Variants in CALN1 observed in about 807,000 individuals in gnomAD.
CALN1 encodes the protein calcium-binding protein 8.
CALN1 carries 17 observed loss-of-function variants against 30.6 expected under a neutral mutation model. That is an observed-to-expected ratio of 0.56 (90% CI 0.38 to 0.83). CALN1 has a LOEUF of 0.83. Ranked by LOEUF, CALN1 falls within the 40% of genes least tolerant of loss-of-function variation. CALN1 has a pLI of 0.00. For missense variants in CALN1, 291 were observed against 354.9 expected, an observed-to-expected ratio of 0.82 and a Z score of 1.45; for synonymous variants, 156 against 131.4, an observed-to-expected ratio of 1.19 and a Z score of -1.28.
chr7:72,365,314 CAG>C (rs1803815568), intron 2 of CALN1, among the ~76,000 whole-genome samples: 2 of 151,996 alleles, frequency 1.3e-5, no homozygotes. Flanking sequence ...GCCTGGGTGA[CAG>C]AGCAAGACCT....
rs535118917 is a variant in CALN1, at chr7:71,929,824, T to A, written c.501+93833A>T. ...GAGGGATGCCAGACTGTCTTCCCAATTGGCTGCACAATTTGCATTCACAGC... is the reference window on the plus strand; with the variant it reads ...GAGGGATGCCAGACTGTCTTCCCAAATGGCTGCACAATTTGCATTCACAGC... On this transcript the variant is annotated intron_variant, in intron 5 of 6. Transcript: ENST00000395275. Among the ~76,000 whole-genome samples the A allele has an allele frequency of 2.7e-4, 41 of 152,304 alleles. 2 individuals are homozygous for A. The South Asian group carries it at 8.1e-3, about 30-fold the overall frequency.
At chr7:72,224,697 C>G (rs1307697520) in intron 3 of CALN1, among the ~76,000 whole-genome samples, 1 of 151,986 alleles carries the variant, frequency 6.6e-6, no homozygotes, top group Non-Finnish European at 1.5e-5. Flanking sequence ...ACGAGAATCG[C>G]TTGAACCCCG....
the CALN1 span, among the ~76,000 whole-genome samples, chr7:72,499,808 TC>T: frequency 3.4e-5 from 2 of 58,524 alleles, no homozygotes; most frequent in Non-Finnish European, 6.1e-5. Flanking sequence ...CTTCCTTCCT[TC>T]CTTCCTTCCT....
intron 2 of CALN1, among the ~76,000 whole-genome samples, chr7:72,372,322 TTC>T (rs2129560376): frequency 6.6e-6 from 1 of 152,168 alleles, no homozygotes; most frequent in South Asian, 2.1e-4. Context: ...TGGGAAAAAC[TTC>T]TGTTGCTTTT....
intron 3 of CALN1, among the ~76,000 whole-genome samples, chr7:72,169,192 ACT>A (rs1788759414): frequency 6.6e-6 from 1 of 151,820 alleles, no homozygotes; most frequent in Admixed American, 6.6e-5. Context: ...AAGGACCAGA[ACT>A]CTCACTGCAC....
intron 5 of CALN1, among the ~76,000 whole-genome samples, chr7:71,941,275 C>T (rs1176941017): frequency 7.8e-6 from 1 of 127,524 alleles, no homozygotes; most frequent in Non-Finnish European, 1.7e-5. Context: ...TGCTTGAACC[C>T]GGGAGGCGGA....
At chr7:72,257,962 G>C (rs534992550) in intron 3 of CALN1, among the ~76,000 whole-genome samples, 31 of 147,418 alleles carry the variant, frequency 2.1e-4, no homozygotes, top group African/African-American at 7.5e-4. Flanking sequence ...GGGGACTCGA[G>C]GGGGAAGAGT....
intron 2 of CALN1, among the ~76,000 whole-genome samples, chr7:72,314,831 A>G (rs1463163456): frequency 5.4e-5 from 7 of 130,316 alleles, no homozygotes; most frequent in African/African-American, 2.2e-4. Flanking sequence ...ATAATAAAAC[A>G]TTTTGTTAAA....
chr7:72,367,850 T>C (rs553011505), intron 2 of CALN1, among the ~76,000 whole-genome samples: 1 of 151,816 alleles, frequency 6.6e-6, no homozygotes, highest in East Asian at 2.0e-4. Flanking sequence ...AATATATATA[T>C]AGGCCGGGTC....
intron 1 of CALN1, among the ~76,000 whole-genome samples, chr7:72,409,989 A>C (rs1400687502): frequency 1.3e-5 from 2 of 152,354 alleles, no homozygotes; most frequent in South Asian, 2.1e-4. Flanking sequence ...AAGATGCACC[A>C]CATTTAACCC....
chr7:72,318,228 C>T (rs544911589), intron 2 of CALN1, among the ~76,000 whole-genome samples: 1 of 152,296 alleles, frequency 6.6e-6, no homozygotes, highest in South Asian at 2.1e-4. Flanking sequence ...CATTAAGAAA[C>T]ACCTTGATTT....
At chr7:71,867,624 G>A (rs1317480071) in intron 5 of CALN1, among the ~76,000 whole-genome samples, 3 of 152,056 alleles carry the variant, frequency 2.0e-5, no homozygotes, top group East Asian at 3.9e-4. Flanking sequence ...TAGTAGAGAC[G>A]AGGTTTCACC....
intron 2 of CALN1, among the ~76,000 whole-genome samples, chr7:72,371,155 A>AAC (rs1804220578): frequency 6.6e-6 from 1 of 151,526 alleles, no homozygotes; most frequent in Non-Finnish European, 1.5e-5. Context: ...AAATTTGCCT[A>AAC]ACCTAGGGTT....
At chr7:71,891,859 G>A (rs1027355759) in intron 5 of CALN1, among the ~76,000 whole-genome samples, 3 of 152,094 alleles carry the variant, frequency 2.0e-5, no homozygotes, top group African/African-American at 4.8e-5. Context: ...CAGAAGAATC[G>A]CTTGAACCTG....
intron 4 of CALN1, among the ~76,000 whole-genome samples, chr7:72,097,814 A>G (rs771086964): frequency 6.6e-6 from 1 of 152,094 alleles, no homozygotes; most frequent in Non-Finnish European, 1.5e-5. Flanking sequence ...CCCAGGTTCA[A>G]GCAATTCTCC....
chr7:72,097,078 A>G (rs1806287162), intron 4 of CALN1, among the ~76,000 whole-genome samples: 1 of 151,846 alleles, frequency 6.6e-6, no homozygotes, highest in Non-Finnish European at 1.5e-5. Flanking sequence ...CAAACACCGT[A>G]TGTTCTCACT....
chr7:72,114,942 C>G (rs372274442), intron 3 of CALN1, among the ~76,000 whole-genome samples: 12 of 151,278 alleles, frequency 7.9e-5, no homozygotes, highest in African/African-American at 2.7e-4. Flanking sequence ...TGCAGTGAGC[C>G]AAGATCATAT....
chr7:72,437,219 G>T (rs535111128), intron 1 of CALN1, among the ~76,000 whole-genome samples: 2 of 152,220 alleles, frequency 1.3e-5, no homozygotes, highest in South Asian at 4.1e-4. Flanking sequence ...GGCGATCTGG[G>T]GTTTAGCTCT....
At chr7:72,386,752 CAGCATTCTGAGTAGCT>C (rs1306609151) in intron 2 of CALN1, among the ~76,000 whole-genome samples, 4 of 152,098 alleles carry the variant, frequency 2.6e-5, no homozygotes, top group African/African-American at 9.7e-5. Flanking sequence ...CCTCCTACCT[CAGCATTCTGAGTAGCT>C]GGGGCTACAG....
Sources: gnomAD v4.1 joint callset for allele counts (sites outside exome capture counted in the v4.1 genomes callset) on GRCh38, gnomAD v4.1.1 for gene constraint, MANE v1.5 for transcripts, NCBI Gene and HGNC (gene_info 2026-07-23, HGNC 2026-07-21) for gene names.